RGS6: variants seen among roughly 807,000 people sequenced by gnomAD.
RGS6 encodes the protein regulator of G protein signaling 6, also known as regulator of G-protein signaling 6.
In RGS6, 30 loss-of-function variants were observed where a neutral mutation model predicts 78.5. The observed-to-expected ratio is 0.38, with a 90% CI of 0.29 to 0.52. The LOEUF (loss-of-function observed/expected upper bound fraction) is 0.52. RGS6 is among the 20% of genes least tolerant of loss of function. The pLI is 0.85. For synonymous variants in RGS6, 206 were observed against 206.0 expected (o/e 1.00, Z 0.00); for missense variants, 495 against 609.7 (o/e 0.81, Z 1.98).
chr14:72,530,687 A>G (rs1273599407), intron 15 of RGS6, among the ~76,000 whole-genome samples: 1 of 152,166 alleles, frequency 6.6e-6, no homozygotes, highest in Non-Finnish European at 1.5e-5. Context: ...CGAAGACTCC[A>G]TCTCAAAAAG....
intron 1 of RGS6, among the ~76,000 whole-genome samples, chr14:71,949,273 A>G (rs1595079080): frequency 1.3e-5 from 2 of 152,140 alleles, no homozygotes; most frequent in African/African-American, 4.8e-5. Flanking sequence ...GCACCAATTT[A>G]TATTCCTATC....
At chr14:71,877,249 G>A in the RGS6 span, among the ~76,000 whole-genome samples, 1 of 152,180 alleles carries the variant, frequency 6.6e-6, no homozygotes, top group African/African-American at 2.4e-5. Context: ...AAGTTCTCCT[G>A]GATAATATCC....
At chr14:72,158,993 T>C (rs1490626133) in intron 2 of RGS6, among the ~76,000 whole-genome samples, 1 of 152,256 alleles carries the variant, frequency 6.6e-6, no homozygotes, top group African/African-American at 2.4e-5. Flanking sequence ...TACCTCATGA[T>C]TCTTTAGAAG....
intron 3 of RGS6, among the ~76,000 whole-genome samples, chr14:72,376,120 C>A (rs1035014579): frequency 5.3e-5 from 8 of 151,820 alleles, no homozygotes; most frequent in Non-Finnish European, 1.0e-4. Flanking sequence ...ATCATGAAAA[C>A]AATAAGTCAT....
chr14:72,150,022 T>C (rs2096661614), intron 2 of RGS6, among the ~76,000 whole-genome samples: 3 of 152,118 alleles, frequency 2.0e-5, no homozygotes, highest in African/African-American at 7.2e-5. Flanking sequence ...GACTGGTGAG[T>C]TGAATAGTGT....
At chr14:72,192,992 T>C (rs117537864) in intron 2 of RGS6, among the ~76,000 whole-genome samples, 8,157 of 151,600 alleles carry the variant, frequency 0.054, 258 homozygotes, top group Middle Eastern at 0.1. Flanking sequence ...TTTTTTTTTT[T>C]TTTCTTTCTT....
chr14:72,052,961 CTT>C (rs1409160249), intron 2 of RGS6, among the ~76,000 whole-genome samples: 4 of 42,622 alleles, frequency 9.4e-5, no homozygotes, highest in African/African-American at 7.2e-4. Context: ...TTCTTTCTTT[CTT>C]TCTTTCTTTC....
chr14:72,562,785 T>C lies in RGS6; in HGVS notation c.*318T>C, dbSNP rs2097691626. The C allele has an allele frequency of 2.0e-6, 3 of 1,494,452 alleles. No individual in the cohort carries two copies. The highest frequency in any genetic ancestry group is 2.4e-5 in the South Asian group (2 of 83,190). The allele number at this position is 1,494,452 out of a possible 1,614,324, so 92.6% of individuals were successfully genotyped here. Reference sequence around the variant, plus strand: ...ATTCAGGGGAGAACACGTCGTGGGGTTCCTGTCACGACTATCACTTGAGAT... The same window carrying C: ...ATTCAGGGGAGAACACGTCGTGGGGCTCCTGTCACGACTATCACTTGAGAT... On this transcript the variant is annotated 3_prime_UTR_variant, in exon 18 of 18. Coordinates refer to ENST00000553525, the MANE Select transcript of RGS6 (RefSeq NM_001204424.2).
chr14:71,977,872 A>G (rs2094223110), intron 2 of RGS6, among the ~76,000 whole-genome samples: 1 of 151,886 alleles, frequency 6.6e-6, no homozygotes, highest in African/African-American at 2.4e-5. Flanking sequence ...CATTTTCACG[A>G]TATTGATTCT....
chr14:72,024,436 T>C lies in RGS6; in HGVS notation c.84+59561T>C, dbSNP rs111323579. Among the ~76,000 whole-genome samples the C allele has an allele frequency of 6.3e-3, 962 of 152,298 alleles. 9 individuals carry two copies. Among genetic ancestry groups the C allele is most frequent in the African/African-American group, 0.022 (927 of 41,562 alleles). On this transcript the variant is annotated intron_variant, in intron 2 of 17. Coordinates refer to ENST00000553525, the MANE Select transcript of RGS6 (RefSeq NM_001204424.2). ...AAAACCAGTTCTATCCCAGGCCAAG[T>C]GGGTTTCTGTTGTTCCTGCTTATCC... is the stretch of plus-strand genomic sequence containing the variant.
intron 2 of RGS6, among the ~76,000 whole-genome samples, chr14:72,081,019 T>C (rs1428099098): frequency 6.6e-6 from 1 of 152,160 alleles, no homozygotes; most frequent in Non-Finnish European, 1.5e-5. Flanking sequence ...TGGTTCCATA[T>C]GAATTTTAGG....
chr14:72,136,585 C>T (rs573272739), intron 2 of RGS6, among the ~76,000 whole-genome samples: 2 of 152,224 alleles, frequency 1.3e-5, no homozygotes, highest in South Asian at 4.2e-4. Context: ...TTACTCATTT[C>T]CATGAGAACA....
chr14:72,031,416 CT>C (rs1243644342), intron 2 of RGS6, among the ~76,000 whole-genome samples: 1 of 152,010 alleles, frequency 6.6e-6, no homozygotes, highest in Non-Finnish European at 1.5e-5. Flanking sequence ...TTATTGTATT[CT>C]TTTAAATGGA....
intron 2 of RGS6, among the ~76,000 whole-genome samples, chr14:72,298,686 G>C (rs1432034554): frequency 6.6e-6 from 1 of 151,956 alleles, no homozygotes; most frequent in Non-Finnish European, 1.5e-5. Context: ...CTGACCTCGT[G>C]GTCCACCCGC....
chr14:72,429,721 T>C (rs1289722334), intron 3 of RGS6, among the ~76,000 whole-genome samples: 1 of 152,206 alleles, frequency 6.6e-6, no homozygotes, highest in Non-Finnish European at 1.5e-5. Context: ...ATAGGAAGGC[T>C]TGCAGCAGTG....
In RGS6 at chr14:72,224,411, T is replaced by C. The variant is rs546200335; in HGVS notation, c.85-127684T>C. On this transcript the variant is annotated intron_variant, in intron 2 of 17. Coordinates refer to ENST00000553525, the MANE Select transcript of RGS6 (RefSeq NM_001204424.2). ...CAGCCTGGGTGACACAGCCAGACCC[T>C]ATCTCAAAAAAAAGAAGAAGAAGAA... Among the ~76,000 whole-genome samples, 8 of 150,764 alleles carry C rather than the reference T, an allele frequency of 5.3e-5. No individual in the cohort carries two copies. The South Asian group carries it at 1.7e-3, about 32-fold the overall frequency.
intron 2 of RGS6, among the ~76,000 whole-genome samples, chr14:72,259,129 G>A (rs927962738): frequency 6.6e-6 from 1 of 152,230 alleles, no homozygotes; most frequent in Non-Finnish European, 1.5e-5. Flanking sequence ...CAAACTGGCA[G>A]TCCACCAGTG....
At position 72,566,398 on chromosome 14, in the gene RGS6, A is replaced by G. The variant is rs573132391; in HGVS notation, c.*3931A>G. On this transcript the variant is annotated 3_prime_UTR_variant, in exon 18 of 18. Transcript: ENST00000553525. ...AAGCCCACTCACCGCATGATCACGGACTCATCGGAATGGCCTCCTCTTAGT... is the reference window on the plus strand; with the variant it reads ...AAGCCCACTCACCGCATGATCACGGGCTCATCGGAATGGCCTCCTCTTAGT... The G allele has an allele frequency of 1.3e-5, 2 of 152,048 alleles. No homozygotes were observed. The highest frequency in any genetic ancestry group is 2.9e-5 in the Non-Finnish European group (2 of 68,022). 9.4% of individuals were successfully genotyped at this position (152,048 alleles called of 1,614,324 possible).
At chr14:72,386,733 T>C (rs1013017349) in intron 3 of RGS6, among the ~76,000 whole-genome samples, 1 of 152,214 alleles carries the variant, frequency 6.6e-6, no homozygotes, top group African/African-American at 2.4e-5. Context: ...TATTTTGCAT[T>C]TTATTTTTAC....
Sources: gnomAD v4.1 joint callset for allele counts (sites outside exome capture counted in the v4.1 genomes callset) on GRCh38, gnomAD v4.1.1 for gene constraint, MANE v1.5 for transcripts, NCBI Gene and HGNC (gene_info 2026-07-23, HGNC 2026-07-21) for gene names.